Variants in GPD2 observed in about 807,000 individuals in gnomAD.
GPD2 encodes the protein glycerol-3-phosphate dehydrogenase 2.
In GPD2, 54 loss-of-function variants were observed where a neutral mutation model predicts 82.4. The ratio of observed to expected loss-of-function variants is 0.66; its 90% CI spans 0.53 to 0.82. The LOEUF is 0.82. Among genes scored for constraint, GPD2 ranks in the 40% least tolerant of loss-of-function variants. GPD2 has a pLI of 0.00. For missense variants in GPD2, 748 were observed against 896.2 expected (o/e 0.83, Z 2.11); for synonymous variants, 288 against 306.1 (o/e 0.94, Z 0.62).
intron 3 of GPD2, among the ~76,000 whole-genome samples, chr2:156,497,450 A>G (rs1684426481): frequency 6.6e-6 from 1 of 152,182 alleles, no homozygotes; most frequent in Non-Finnish European, 1.5e-5. Flanking sequence ...GCTGCAAGGA[A>G]TTTTGACTGT....
chr2:156,546,343 G>C (rs183601346), intron 6 of GPD2, among the ~76,000 whole-genome samples: 1 of 152,290 alleles, frequency 6.6e-6, no homozygotes, highest in Non-Finnish European at 1.5e-5. Flanking sequence ...ATGGCATGCA[G>C]TGTTGTCAAA....
At chr2:156,432,268 A>G (rs1001765993), upstream of GPD2, among the ~76,000 whole-genome samples, 2 of 152,194 alleles carry the variant, frequency 1.3e-5, no homozygotes, top group African/African-American at 4.8e-5. Flanking sequence ...TTTAATTTCC[A>G]TTTTTATTTT....
the GPD2 span, among the ~76,000 whole-genome samples, chr2:156,426,078 C>T: frequency 9.2e-5 from 14 of 152,174 alleles, no homozygotes; most frequent in South Asian, 8.3e-4. Flanking sequence ...CGCCCACCAC[C>T]ACGCCAGGCT....
At chr2:156,476,394 T>G (rs1189647979) in intron 2 of GPD2, among the ~76,000 whole-genome samples, 187 bp downstream of exon 2, 1 of 152,238 alleles carries the variant, frequency 6.6e-6, no homozygotes, top group Non-Finnish European at 1.5e-5. Context: ...TCTCCTTTTT[T>G]AAAAAGTGAA....
At chr2:156,422,084 T>C in the GPD2 span, among the ~76,000 whole-genome samples, 1 of 152,254 alleles carries the variant, frequency 6.6e-6, no homozygotes. Flanking sequence ...CTATTATTGG[T>C]CCACTGCACT....
intron 6 of GPD2, among the ~76,000 whole-genome samples, chr2:156,515,777 G>T (rs1685176715): frequency 1.3e-5 from 2 of 152,160 alleles, no homozygotes; most frequent in East Asian, 3.8e-4. Flanking sequence ...CTACTCATTT[G>T]ATATAAATAA....
intron 6 of GPD2, among the ~76,000 whole-genome samples, chr2:156,530,676 C>A (rs2105305204): frequency 6.6e-6 from 1 of 152,164 alleles, no homozygotes; most frequent in African/African-American, 2.4e-5. Context: ...TTTTCTGCAT[C>A]TATTGAGATA....
intron 6 of GPD2, among the ~76,000 whole-genome samples, chr2:156,547,519 C>T (rs995993392): frequency 6.6e-6 from 1 of 152,134 alleles, no homozygotes; most frequent in African/African-American, 2.4e-5. Flanking sequence ...TCATGAATGG[C>T]CTTTTTGTGT....
At chr2:156,475,688 A>G (rs1683485138) in intron 1 of GPD2, among the ~76,000 whole-genome samples, 1 of 152,222 alleles carries the variant, frequency 6.6e-6, no homozygotes, top group Non-Finnish European at 1.5e-5. Context: ...TGTCTTGTTG[A>G]GTGACCCAAG....
intron 6 of GPD2, among the ~76,000 whole-genome samples, chr2:156,532,830 T>C (rs143973364): frequency 3.9e-4 from 60 of 152,340 alleles, no homozygotes; most frequent in African/African-American, 1.2e-3. Flanking sequence ...ACATTTGATA[T>C]AGAAATCATG....
the GPD2 span, among the ~76,000 whole-genome samples, chr2:156,424,383 C>G: frequency 6.6e-6 from 1 of 152,048 alleles, no homozygotes; most frequent in Non-Finnish European, 1.5e-5. Context: ...GTTTAGTGTT[C>G]TAGGATAATT....
Position 156,513,479 on chromosome 2 carries a change from C to A in GPD2, c.644C>A (p.Ala215Glu). Residue 215 changes from alanine to glutamate, a missense_variant, in exon 6 of 17, where the codon GCA becomes GAA. Coordinates refer to ENST00000438166, the MANE Select transcript of GPD2 (RefSeq NM_000408.5). The stretch of plus-strand genomic sequence containing the variant: ...CTCCAGAAGGACAAACTGGTAGGAG[C>A]AATTGTCTACTATGACGGTATGTGA... The part of the protein sequence containing the change: ...PMLQKDKLVG[A>E]IVYYDGQHND... 2.5e-6 allele frequency: 4 copies of A among 1,607,174 alleles called. No individual in the cohort carries two copies. Among genetic ancestry groups the A allele is most frequent in the Non-Finnish European group, 3.4e-6 (4 of 1,174,768 alleles).
chr2:156,553,953 TTAA>T (rs1686863934), intron 8 of GPD2, among the ~76,000 whole-genome samples: 1 of 152,158 alleles, frequency 6.6e-6, no homozygotes, highest in Admixed American at 6.6e-5. Flanking sequence ...TTGGGAGAAA[TTAA>T]TATCCCCATT....
chr2:156,478,278 C>A (rs1399798553), intron 2 of GPD2, among the ~76,000 whole-genome samples: 1 of 152,114 alleles, frequency 6.6e-6, no homozygotes, highest in African/African-American at 2.4e-5. Flanking sequence ...ATCCTGACCA[C>A]CCTAATAGCC....
At chr2:156,560,448 G>A (rs1256379869) in intron 9 of GPD2, among the ~76,000 whole-genome samples, 1 of 152,138 alleles carries the variant, frequency 6.6e-6, no homozygotes, top group Non-Finnish European at 1.5e-5. Flanking sequence ...CTTCCTCCTG[G>A]TGATCTGGGG....
chr2:156,561,039 G>GTTTTTTTTT (rs1491213527), intron 9 of GPD2, among the ~76,000 whole-genome samples: 3 of 19,522 alleles, frequency 1.5e-4, no homozygotes, highest in African/African-American at 2.9e-4. Context: ...GTGACATTAA[G>GTTTTTTTTT]CTTTTTTTTT....
intron 13 of GPD2, among the ~76,000 whole-genome samples, chr2:156,577,004 GTA>G (rs1687844314): frequency 6.6e-6 from 1 of 152,078 alleles, no homozygotes; most frequent in Non-Finnish European, 1.5e-5. Flanking sequence ...GACAAGTTTT[GTA>G]TATGAGATAC....
At chr2:156,431,731 A>T (rs1469521485), upstream of GPD2, among the ~76,000 whole-genome samples, 2 of 152,120 alleles carry the variant, frequency 1.3e-5, no homozygotes, top group Non-Finnish European at 2.9e-5. Flanking sequence ...CTACTTAGAT[A>T]CTCATAAAAA....
chr2:156,530,003 G>A (rs1388633840), intron 6 of GPD2, among the ~76,000 whole-genome samples: 2 of 151,542 alleles, frequency 1.3e-5, no homozygotes, highest in East Asian at 1.9e-4. Flanking sequence ...GATGGGGATG[G>A]CATTGAATCT....
Sources: allele counts gnomAD v4.1 joint callset (sites outside exome capture counted in the v4.1 genomes callset), GRCh38; gene constraint gnomAD v4.1.1; transcripts MANE v1.5; gene names NCBI Gene and HGNC (gene_info 2026-07-23, HGNC 2026-07-21).